PLCB1: variants seen among roughly 807,000 people sequenced by gnomAD.
PLCB1 encodes phospholipase C beta 1, also known as 1-phosphatidylinositol 4,5-bisphosphate phosphodiesterase beta-1.
In PLCB1, 46 loss-of-function variants were observed where a neutral mutation model predicts 161.8. The observed-to-expected ratio is 0.28, with a 90% confidence interval of 0.22 to 0.36. The LOEUF is 0.36. PLCB1 is among the 10% of genes least tolerant of loss of function. The pLI is 1.00. For missense variants in PLCB1, 1,016 were observed against 1,472.5 expected (o/e 0.69, Z 5.07); for synonymous variants, 517 against 503.7 (o/e 1.03, Z -0.35).
At chr20:8,169,034 G>A (rs2123064867) in intron 2 of PLCB1, among the ~76,000 whole-genome samples, 1 of 152,220 alleles carries the variant, frequency 6.6e-6, no homozygotes, top group East Asian at 1.9e-4. Context: ...TCTTTACTCT[G>A]AGCTCATCTT....
rs556564752 is a variant in PLCB1 at position 8,134,900 on chromosome 20, G to A, written c.99+2150G>A. Among the ~76,000 whole-genome samples, 3 of 151,958 alleles carry A rather than the reference G, an allele frequency of 2.0e-5. No individual in the cohort carries two copies. The South Asian group carries it at 6.2e-4, about 32-fold the overall frequency. On this transcript the variant is annotated intron_variant, in intron 1 of 31. Transcript: ENST00000338037. Reference sequence around the variant, plus strand: ...AAAAAAAAAACCTAGACTGCACTCAGGAGTCAAGTTATCTGGAATATAATG... The same window carrying A: ...AAAAAAAAAACCTAGACTGCACTCAAGAGTCAAGTTATCTGGAATATAATG...
intron 3 of PLCB1, among the ~76,000 whole-genome samples, chr20:8,458,544 C>A (rs571527024): frequency 6.6e-6 from 1 of 152,156 alleles, no homozygotes; most frequent in Non-Finnish European, 1.5e-5. Context: ...TTCTTTGCAA[C>A]AAGAAATTGC....
At chr20:8,274,577 C>T (rs1001076072) in intron 2 of PLCB1, among the ~76,000 whole-genome samples, 3 of 150,926 alleles carry the variant, frequency 2.0e-5, no homozygotes, top group African/African-American at 7.3e-5. Context: ...TAAATAAGAT[C>T]AATGTTCTCC....
At chr20:8,785,095 G>A (rs1305863847) in intron 27 of PLCB1, among the ~76,000 whole-genome samples, 1 of 136,336 alleles carries the variant, frequency 7.3e-6, no homozygotes, top group Non-Finnish European at 1.6e-5. Context: ...ATACCCTGTA[G>A]GAAAAACCAA....
chr20:8,318,946 A>G (rs893788643), intron 2 of PLCB1, among the ~76,000 whole-genome samples: 37 of 152,090 alleles, frequency 2.4e-4, no homozygotes, highest in Non-Finnish European at 5.9e-5. Flanking sequence ...GGTAAAAGTG[A>G]TATCTTTTTA....
At chr20:8,541,596 G>GAAAGAAAGAAAGAAAGAAATAAAT in intron 3 of PLCB1, among the ~76,000 whole-genome samples, 1 of 150,546 alleles carries the variant, frequency 6.6e-6, no homozygotes, top group African/African-American at 2.4e-5. Flanking sequence ...AAGAAAGAAA[G>GAAAGAAAGAAAGAAAGAAATAAAT]AAAGAAAGAA....
At position 8,532,868 on chromosome 20, in the gene PLCB1, T is replaced by G. The variant is rs1423986959; in HGVS notation, c.247-95426T>G. 3.9e-5 allele frequency among the ~76,000 whole-genome samples: 6 copies of G among 152,080 alleles called. No individual in the cohort carries two copies. In the East Asian group the frequency reaches 1.2e-3, roughly 29 times the overall value. On this transcript the variant is annotated intron_variant, in intron 3 of 31. Coordinates refer to ENST00000338037, the MANE Select transcript of PLCB1 (RefSeq NM_015192.4). ...TTCTTCCTTTTTATTTTATTTTATTTTATTATTATGATACTTTAAGTTGTA... is the reference window on the plus strand; with the variant it reads ...TTCTTCCTTTTTATTTTATTTTATTGTATTATTATGATACTTTAAGTTGTA...
In PLCB1 at chr20:8,884,027, A is replaced by AGAT. The variant is rs1297949864; in HGVS notation, c.*2179_*2181dup. On this transcript the variant is annotated 3_prime_UTR_variant, in exon 32 of 32. Coordinates refer to ENST00000338037, the MANE Select transcript of PLCB1 (RefSeq NM_015192.4). The stretch of plus-strand genomic sequence containing the variant: ...AACATTGTATCACATTTTAGTCCAG[A>AGAT]GATAGAATAAAGTTGAATAACCTTG... 3.3e-5 allele frequency: 5 copies of AGAT among 152,166 alleles called. No homozygotes were observed. The highest frequency in any genetic ancestry group is 7.4e-5 in the Non-Finnish European group (5 of 67,992). 9.4% of individuals were successfully genotyped at this position (152,166 alleles called of 1,614,324 possible). A position where few individuals can be genotyped will look rare whatever the true frequency, so the allele number is the denominator to read the frequency against.
In PLCB1 at chr20:8,518,616, G is replaced by A. The variant is rs532665644; in HGVS notation, c.247-109678G>A. Among the ~76,000 whole-genome samples, 26 of 152,166 alleles carry A rather than the reference G, an allele frequency of 1.7e-4. No homozygotes were observed. In the East Asian group the frequency reaches 2.5e-3, roughly 15 times the overall value. On this transcript the variant is annotated intron_variant, in intron 3 of 31. Transcript: ENST00000338037. ...TACTTATTGGGCATCTACTACAGCA[G>A]CAGTCCCCAGCATTTTTGGCACCAG... is the stretch of plus-strand genomic sequence containing the variant.
chr20:8,873,737 C>A (rs1246739812), intron 31 of PLCB1, among the ~76,000 whole-genome samples: 1 of 151,866 alleles, frequency 6.6e-6, no homozygotes. Context: ...ATTATTTCTC[C>A]CTGTTTTCAA....
chr20:8,601,064 C>A (rs562091156), intron 3 of PLCB1, among the ~76,000 whole-genome samples: 1 of 150,572 alleles, frequency 6.6e-6, no homozygotes, highest in South Asian at 2.1e-4. Context: ...CCGTCTTCTG[C>A]GTCGCTCACG....
intron 31 of PLCB1, among the ~76,000 whole-genome samples, chr20:8,854,041 A>AAGCCAGAG (rs1436064019): frequency 2.0e-5 from 3 of 152,208 alleles, no homozygotes; most frequent in Non-Finnish European, 2.9e-5. Flanking sequence ...CAAAAACAAG[A>AAGCCAGAG]AGCCAGAGGG....
chr20:8,560,495 A>G (rs1986107517), intron 3 of PLCB1, among the ~76,000 whole-genome samples: 1 of 152,032 alleles, frequency 6.6e-6, no homozygotes, highest in Non-Finnish European at 1.5e-5. Context: ...AGCATTATGG[A>G]TTAATGCAAT....
At chr20:8,832,073 T>G (rs1266744495) in intron 31 of PLCB1, among the ~76,000 whole-genome samples, 1 of 137,566 alleles carries the variant, frequency 7.3e-6, no homozygotes, top group Non-Finnish European at 1.6e-5. Flanking sequence ...GTAGTGAAAG[T>G]TTAATTTTCA....
intron 17 of PLCB1, 101 bp from the exon 18 acceptor site, chr20:8,728,949 C>T (rs760255462): frequency 1.3e-6 from 1 of 756,658 alleles, no homozygotes; most frequent in East Asian, 3.1e-5. Context: ...TCAATATTTA[C>T]TTCATTTTCC....
chr20:8,851,659 G>C (rs1986889593), intron 31 of PLCB1, among the ~76,000 whole-genome samples: 1 of 151,490 alleles, frequency 6.6e-6, no homozygotes, highest in African/African-American at 2.4e-5. Flanking sequence ...CCCAGCTGCT[G>C]CTATCCATCA....
chr20:8,232,674 T>A, intron 2 of PLCB1, among the ~76,000 whole-genome samples: 1 of 152,142 alleles, frequency 6.6e-6, no homozygotes, highest in East Asian at 1.9e-4. Flanking sequence ...CTTATAGTAT[T>A]TGTGCTTCTT....
intron 3 of PLCB1, among the ~76,000 whole-genome samples, chr20:8,528,933 G>T (rs945943758): frequency 6.6e-6 from 1 of 151,980 alleles, no homozygotes; most frequent in African/African-American, 2.4e-5. Flanking sequence ...AGGAGAAGCT[G>T]CTAACTACAT....
rs574398069 is a variant in PLCB1 at position 8,422,251 on chromosome 20, A to G, written c.246+50801A>G. Among the ~76,000 whole-genome samples the G allele has an allele frequency of 4.6e-5, 7 of 152,310 alleles. No homozygotes were observed. The East Asian group carries it at 1.3e-3, about 29-fold the overall frequency. On this transcript the variant is annotated intron_variant, in intron 3 of 31. Coordinates refer to ENST00000338037, the MANE Select transcript of PLCB1 (RefSeq NM_015192.4). ...GAAATCAGAGCGTGACTAACACTTCAAGAAGAAGATTTGCAGATGCACAAA... is the reference window on the plus strand; with the variant it reads ...GAAATCAGAGCGTGACTAACACTTCGAGAAGAAGATTTGCAGATGCACAAA...
Sources: allele counts gnomAD v4.1 joint callset (sites outside exome capture counted in the v4.1 genomes callset), GRCh38; gene constraint gnomAD v4.1.1; transcripts MANE v1.5; gene names NCBI Gene and HGNC (gene_info 2026-07-23, HGNC 2026-07-21).